CORIN: variants seen among roughly 807,000 people sequenced by gnomAD.
CORIN encodes the protein corin, serine peptidase, also known as atrial natriuretic peptide-converting enzyme.
In CORIN, 117 loss-of-function variants were observed where a neutral mutation model predicts 125.3. That is an observed-to-expected ratio of 0.93 (90% CI 0.80 to 1.09). The LOEUF (loss-of-function observed/expected upper bound fraction) is 1.09, where lower values mean the gene tolerates loss of function less well. Ranked by LOEUF, CORIN falls within the 50% of genes least tolerant of loss-of-function variation. The pLI is 0.00. For synonymous variants in CORIN, 450 were observed against 466.4 expected (o/e 0.96, Z 0.45); for missense variants, 1,253 against 1,306.7 (o/e 0.96, Z 0.63).
intron 5 of CORIN, among the ~76,000 whole-genome samples, chr4:47,724,113 C>T (rs1192989885): frequency 6.6e-6 from 1 of 151,770 alleles, no homozygotes; most frequent in Non-Finnish European, 1.5e-5. Flanking sequence ...CAAAGACTTA[C>T]TTTAAAGCAG....
At chr4:47,658,807 A>G (rs1724111341) in intron 12 of CORIN, among the ~76,000 whole-genome samples, 1 of 152,140 alleles carries the variant, frequency 6.6e-6, no homozygotes, top group Non-Finnish European at 1.5e-5. Flanking sequence ...GAATTCCTCT[A>G]CTGAAAAAGC....
At chr4:47,805,890 TA>T (rs1400900377) in intron 2 of CORIN, among the ~76,000 whole-genome samples, 1 of 152,224 alleles carries the variant, frequency 6.6e-6, no homozygotes, top group East Asian at 1.9e-4. Context: ...TCTTGATATT[TA>T]TTTCTCTGTT....
At chr4:47,770,787 A>T (rs1729990675) in intron 3 of CORIN, among the ~76,000 whole-genome samples, 1 of 152,170 alleles carries the variant, frequency 6.6e-6, no homozygotes, top group Non-Finnish European at 1.5e-5. Context: ...AAAAGACAAA[A>T]ACCACATGAT....
chr4:47,724,008 A>AG (rs1248349675), intron 5 of CORIN, among the ~76,000 whole-genome samples: 1 of 151,210 alleles, frequency 6.6e-6, no homozygotes, highest in African/African-American at 2.4e-5. Context: ...AAAAAAAAAA[A>AG]AAAAAAAGAA....
At chr4:47,690,606 TCTC>T (rs958951308) in intron 6 of CORIN, among the ~76,000 whole-genome samples, 8 of 152,208 alleles carry the variant, frequency 5.3e-5, no homozygotes, top group Non-Finnish European at 5.9e-5. Context: ...AGAAGCATAA[TCTC>T]CTCTGACAGT....
At chr4:47,774,500 A>C (rs1441239487) in intron 3 of CORIN, among the ~76,000 whole-genome samples, 1 of 152,164 alleles carries the variant, frequency 6.6e-6, no homozygotes, top group Non-Finnish European at 1.5e-5. Flanking sequence ...ATAAATAATA[A>C]AATTATTATT....
At chr4:47,691,496 C>G (rs763050100) in intron 6 of CORIN, among the ~76,000 whole-genome samples, 1 of 151,980 alleles carries the variant, frequency 6.6e-6, no homozygotes, top group Non-Finnish European at 1.5e-5. Flanking sequence ...CTGAAAAGAA[C>G]GTTTCCTGAA....
intron 5 of CORIN, among the ~76,000 whole-genome samples, chr4:47,736,843 C>G (rs1318598305): frequency 6.6e-6 from 1 of 152,190 alleles, no homozygotes; most frequent in Non-Finnish European, 1.5e-5. Context: ...GGCAATTCCA[C>G]AAAGGCGAAG....
intron 5 of CORIN, among the ~76,000 whole-genome samples, chr4:47,695,022 A>G (rs548550707): frequency 9.2e-5 from 14 of 152,362 alleles, no homozygotes; most frequent in African/African-American, 3.4e-4. Flanking sequence ...ATAGTCCATA[A>G]TTTCAGTATC....
intron 19 of CORIN, among the ~76,000 whole-genome samples, chr4:47,619,697 T>A (rs1722222398): frequency 6.6e-6 from 1 of 152,154 alleles, no homozygotes. Flanking sequence ...GATCTGTCAG[T>A]GAAAGAGGAA....
intron 1 of CORIN, among the ~76,000 whole-genome samples, chr4:47,829,157 CAAAAAAAAAAAAAA>C (rs35771383): frequency 6.2e-5 from 4 of 64,270 alleles, no homozygotes; most frequent in South Asian, 8.0e-4. Context: ...GACTCCGTCT[CAAAAAAAAAAAAAA>C]AAAAAAAAAA....
chr4:47,626,491 T>C lies in CORIN; in HGVS notation c.2229A>G (p.Glu743=), dbSNP rs777747507. The C allele has an allele frequency of 2.5e-6, 4 of 1,613,932 alleles. No homozygotes were observed. The highest frequency in any genetic ancestry group is 3.4e-6 in the Non-Finnish European group (4 of 1,179,818). The change falls in exon 17 of 22, where the codon GAA becomes GAG. Residue 743 remains glutamate (E), a synonymous_variant. Transcript: ENST00000273857. ...GEPSVTKLIQ[E]QEKEPRWLTL... is the part of the protein sequence containing the mutation. Reference sequence around the variant, plus strand: ...TCAGCCACCGCGGCTCTTTCTCCTGTTCCTGTATCAATTTGGTCACAGATG... The same window carrying C: ...TCAGCCACCGCGGCTCTTTCTCCTGCTCCTGTATCAATTTGGTCACAGATG...
Position 47,653,590 on chromosome 4 carries a change from CT to C in CORIN, c.1805del (p.Gln602ArgfsTer30). On this transcript the variant is annotated frameshift_variant, in exon 13 of 22. Transcript: ENST00000273857. LOFTEE classifies it high-confidence loss of function. ...CVLASRRCDG[Q>X]ADCDDDSDEE... is the part of the protein sequence containing the mutation. Reference sequence around the variant, plus strand: ...CATCACTGTCATCGTCACAGTCGGCCTGGCCATCACATCTTCTGGAAGCCAG... The same window carrying C: ...CATCACTGTCATCGTCACAGTCGGCCGGCCATCACATCTTCTGGAAGCCAG... 1 of 1,614,134 alleles carries C rather than the reference CT, an allele frequency of 6.2e-7. No individual in the cohort carries two copies. The highest frequency in any genetic ancestry group is 8.5e-7 in the Non-Finnish European group (1 of 1,179,980).
At chr4:47,655,673 G>A (rs1577789444) in intron 12 of CORIN, among the ~76,000 whole-genome samples, 1 of 152,106 alleles carries the variant, frequency 6.6e-6, no homozygotes, top group East Asian at 1.9e-4. Context: ...GAAATTCAAA[G>A]GATCATCAGA....
intron 20 of CORIN, 77 bp downstream of exon 20, chr4:47,603,320 C>CT: frequency 2.0e-6 from 3 of 1,468,600 alleles, no homozygotes; most frequent in Non-Finnish European, 2.8e-6. Flanking sequence ...ATCAATTAAA[C>CT]TTCTTTCCTT....
intron 12 of CORIN, among the ~76,000 whole-genome samples, chr4:47,657,503 C>T (rs1305774050): frequency 2.7e-5 from 4 of 149,000 alleles, no homozygotes; most frequent in Non-Finnish European, 5.9e-5. Flanking sequence ...CCACTGCACT[C>T]CAGCCTGGGC....
At chr4:47,740,813 A>G (rs1386832010) in intron 5 of CORIN, among the ~76,000 whole-genome samples, 1 of 151,998 alleles carries the variant, frequency 6.6e-6, no homozygotes, top group Non-Finnish European at 1.5e-5. Context: ...TCTATGGCCA[A>G]TTGTTTTTTA....
At chr4:47,704,985 G>A (rs1726484046) in intron 5 of CORIN, among the ~76,000 whole-genome samples, 1 of 152,188 alleles carries the variant, frequency 6.6e-6, no homozygotes. Flanking sequence ...GAGAGGCATG[G>A]CGACCCAGTG....
At chr4:47,665,739 G>A (rs905656534) in intron 10 of CORIN, among the ~76,000 whole-genome samples, 1 of 152,076 alleles carries the variant, frequency 6.6e-6, no homozygotes, top group African/African-American at 2.4e-5. Context: ...TAAATATAAG[G>A]CTACAAGATT....
Sources: allele counts gnomAD v4.1 joint callset (sites outside exome capture counted in the v4.1 genomes callset), GRCh38; gene constraint gnomAD v4.1.1; transcripts MANE v1.5; gene names NCBI Gene and HGNC (gene_info 2026-07-23, HGNC 2026-07-21).